Variants in IGSF9B observed in about 807,000 individuals in gnomAD.
IGSF9B encodes the protein protein turtle homolog B.
In IGSF9B, 48 loss-of-function variants were observed where a neutral mutation model predicts 143.7. The observed-to-expected ratio is 0.33, with a 90% confidence interval of 0.26 to 0.42. The LOEUF (loss-of-function observed/expected upper bound fraction) is 0.42, where lower values mean the gene tolerates loss of function less well. IGSF9B is among the 20% of genes least tolerant of loss of function. IGSF9B has a pLI of 1.00. For missense variants in IGSF9B, 1,706 were observed against 1,980.0 expected, an observed-to-expected ratio of 0.86 and a Z score of 2.63; for synonymous variants, 903 against 833.1, an observed-to-expected ratio of 1.08 and a Z score of -1.44.
rs755440130 is a variant in IGSF9B, at chr11:133,903,467, T to A, written c.*5602A>T. On this transcript the variant is annotated 3_prime_UTR_variant, in exon 20 of 20. Coordinates refer to ENST00000533871, the MANE Select transcript of IGSF9B (RefSeq NM_001277285.4). ...TCTACACCGCAGAAGACAACACCCA[T>A]GTGATTTTAATGACTGGCCACTGTT... Among the ~76,000 whole-genome samples the A allele has an allele frequency of 6.6e-6, 1 of 152,134 alleles. No homozygotes were observed. The highest frequency in any genetic ancestry group is 1.5e-5 in the Non-Finnish European group (1 of 68,032).
intron 1 of IGSF9B, 137 bp from the exon 2 acceptor site, chr11:133,946,395 G>A (rs1339176361): frequency 1.3e-5 from 9 of 704,384 alleles, no homozygotes; most frequent in Non-Finnish European, 2.2e-5. Context: ...TCCCAGGAGG[G>A]TCCCAGGCAC....
intron 18 of IGSF9B, among the ~76,000 whole-genome samples, chr11:133,919,264 G>A (rs948992275): frequency 6.6e-6 from 1 of 152,128 alleles, no homozygotes; most frequent in Non-Finnish European, 1.5e-5. Context: ...GGAGGCCCCT[G>A]GCCTGGTGGT....
In IGSF9B at chr11:133,945,474, A is replaced by G. The variant is rs1159200738; in HGVS notation, c.262+587T>C. 2.0e-5 allele frequency among the ~76,000 whole-genome samples: 3 copies of G among 152,230 alleles called. No homozygotes were observed. The highest frequency in any genetic ancestry group is 4.2e-4 in the South Asian group (2 of 4,812). ...CGCTCAATGACACGCACACGCACGC[A>G]CACACACACCCACGCCCTCCTCTCC... On this transcript the variant is annotated intron_variant, in intron 2 of 19. Transcript: ENST00000533871. The surrounding 1 kb of genome is among the most constrained non-coding windows in gnomAD (Gnocchi z 4.6).
In IGSF9B at chr11:133,919,773, C is replaced by G; in HGVS notation, c.3952G>C (p.Glu1318Gln). The G allele has an allele frequency of 1.3e-6, 2 of 1,483,574 alleles. No individual in the cohort carries two copies. The highest frequency in any genetic ancestry group is 1.8e-6 in the Non-Finnish European group (2 of 1,114,294). 91.9% of individuals were successfully genotyped at this position (1,483,574 alleles called of 1,614,324 possible). A position where few individuals can be genotyped will look rare whatever the true frequency, so the allele number is the denominator to read the frequency against. Residue 1318 changes from glutamate to glutamine, a missense_variant, in exon 18 of 20, where the codon GAG (glutamate) becomes CAG (glutamine). By Grantham distance (29) the Glu-to-Gln change is conservative. This residue lies in a region of IGSF9B where 880 missense variants were observed against 762.9 expected (regional missense o/e 1.15). Transcript: ENST00000533871. ...RRTGEELLRPETPPPTLPTSG... is the reference protein window; with the variant it reads ...RRTGEELLRPQTPPPTLPTSG... ...GTAGGTAACGTGGGTGGTGGGGTCT[C>G]CGGTCGGAGCAATTCCTCCCCCGTC...
intron 7 of IGSF9B, among the ~76,000 whole-genome samples, chr11:133,933,784 G>T (rs1375795016): frequency 6.6e-6 from 1 of 152,120 alleles, no homozygotes; most frequent in African/African-American, 2.4e-5. Context: ...CTCTTGCAAT[G>T]CGGGCTGAGT....
chr11:133,933,829 G>A (rs1019034064), intron 7 of IGSF9B, among the ~76,000 whole-genome samples: 1 of 152,114 alleles, frequency 6.6e-6, no homozygotes, highest in African/African-American at 2.4e-5. Flanking sequence ...TTCTCCTGAG[G>A]GCTACGGAGG....
intron 18 of IGSF9B, 168 bp from the exon 19 acceptor site, chr11:133,912,175 G>T: frequency 1.2e-6 from 1 of 835,442 alleles, no homozygotes; most frequent in Non-Finnish European, 1.9e-6. Context: ...TATTGCTCCT[G>T]GAAAGAAGAA....
intron 19 of IGSF9B, among the ~76,000 whole-genome samples, chr11:133,910,247 G>A (rs1316140404): frequency 1.3e-5 from 2 of 152,202 alleles, no homozygotes; most frequent in African/African-American, 2.4e-5. Flanking sequence ...CTGAAAGAGA[G>A]GATGCCGCTA....
rs1003171049 is a variant in IGSF9B, at chr11:133,902,772, T to C, written c.*6297A>G. ...TCATGGGAGGCCATATAAAACCTCA[T>C]TGATAGAGTGGCTGACAACTACCCT... On this transcript the variant is annotated 3_prime_UTR_variant, in exon 20 of 20. Coordinates refer to ENST00000533871, the MANE Select transcript of IGSF9B (RefSeq NM_001277285.4). Among the ~76,000 whole-genome samples the C allele has an allele frequency of 4.6e-5, 7 of 152,136 alleles. No individual in the cohort carries two copies. Among genetic ancestry groups the C allele is most frequent in the Non-Finnish European group, 8.8e-5 (6 of 68,020 alleles).
In IGSF9B at chr11:133,902,027, T is replaced by C. The variant is rs1456239798; in HGVS notation, c.*7042A>G. On this transcript the variant is annotated 3_prime_UTR_variant, in exon 20 of 20. Coordinates refer to ENST00000533871, the MANE Select transcript of IGSF9B (RefSeq NM_001277285.4). ...ACACACACCAGACATACACACACCA[T>C]ACCACACACCACACCCACACACAAT... is the stretch of plus-strand genomic sequence containing the variant. Among the ~76,000 whole-genome samples the C allele has an allele frequency of 3.7e-5, 4 of 107,940 alleles. No homozygotes were observed. Among genetic ancestry groups the C allele is most frequent in the African/African-American group, 1.2e-4 (3 of 24,790 alleles). The allele number at this position is 107,940 out of a possible 152,430, so 70.8% of individuals were successfully genotyped here. A position where few individuals can be genotyped will look rare whatever the true frequency, so the allele number is the denominator to read the frequency against.
At chr11:133,955,953 G>C (rs1377901782) in intron 1 of IGSF9B, among the ~76,000 whole-genome samples, 1 of 152,012 alleles carries the variant, frequency 6.6e-6, no homozygotes, top group Non-Finnish European at 1.5e-5. Flanking sequence ...TGGGGAGGGC[G>C]GCGTGGGGCC....
In IGSF9B at chr11:133,913,352, G is replaced by A. The variant is rs905289145; in HGVS notation, c.3984-1345C>T. Among the ~76,000 whole-genome samples the A allele has an allele frequency of 2.6e-5, 4 of 152,158 alleles. No homozygotes were observed. Among genetic ancestry groups the A allele is most frequent in the African/African-American group, 9.7e-5 (4 of 41,448 alleles). On this transcript the variant is annotated intron_variant, in intron 18 of 19. Transcript: ENST00000533871. The surrounding 1 kb of genome is among the most constrained non-coding windows in gnomAD (Gnocchi z 4.6). ...AAAAAAAAAATGTTAAGAGGGATAG[G>A]AAGCCTGCAGTCTCTTCTCCCCAGC...
intron 7 of IGSF9B, among the ~76,000 whole-genome samples, chr11:133,933,246 C>T (rs538628175): frequency 5.3e-5 from 8 of 152,184 alleles, no homozygotes; most frequent in Non-Finnish European, 7.3e-5. Flanking sequence ...AGACCCCTAG[C>T]GTCAAAGCCA....
chr11:133,955,553 G>A (rs924899582), intron 1 of IGSF9B, among the ~76,000 whole-genome samples: 2 of 152,190 alleles, frequency 1.3e-5, no homozygotes, highest in Admixed American at 6.5e-5. Flanking sequence ...CCTGCCTGCT[G>A]ACTCCCACCC....
chr11:133,929,762 C>G lies in IGSF9B; in HGVS notation c.1540G>C (p.Gly514Arg). 6.2e-7 allele frequency: 1 copy of G among 1,613,662 alleles called. No individual in the cohort carries two copies. Reference sequence around the variant, plus strand: ...ATGGAGACCTGGACCCGGACACTGCCCGGGGCATGGGGGCTGGTGCCTGGA... The same window carrying G: ...ATGGAGACCTGGACCCGGACACTGCGCGGGGCATGGGGGCTGGTGCCTGGA... ...TVIGTSPHAP[G>R]SVRVQVSMTT... Residue 514 changes from glycine to arginine, a missense_variant, in exon 12 of 20, where the codon GGC becomes CGC. Coordinates refer to ENST00000533871, the MANE Select transcript of IGSF9B (RefSeq NM_001277285.4).
Position 133,906,845 on chromosome 11 carries a change from A to G in IGSF9B, c.*2224T>C, listed in dbSNP as rs1939217628. On this transcript the variant is annotated 3_prime_UTR_variant, in exon 20 of 20. Transcript: ENST00000533871. The stretch of plus-strand genomic sequence containing the variant: ...TAGAAATCTCACACTGCCAGTGCAT[A>G]AAGGCTGCACGTCAGCTTGCGGTAA... 6.6e-6 allele frequency among the ~76,000 whole-genome samples: 1 copy of G among 152,104 alleles called. No homozygotes were observed. Among genetic ancestry groups the G allele is most frequent in the African/African-American group, 2.4e-5 (1 of 41,424 alleles).
At chr11:133,912,082 C>G in intron 18 of IGSF9B, 75 bp from the exon 19 acceptor site, 1 of 1,459,486 alleles carries the variant, frequency 6.9e-7, no homozygotes, top group Non-Finnish European at 9.0e-7. Context: ...TGGAAGAAAG[C>G]CAAGTAGCTG....
chr11:133,897,047 A>T lies in IGSF9B; in HGVS notation c.*12022T>A, dbSNP rs1939030576. 6.6e-6 allele frequency: 1 copy of T among 151,984 alleles called. No homozygotes were observed. Among genetic ancestry groups the T allele is most frequent in the African/African-American group, 2.4e-5 (1 of 41,358 alleles). The allele number at this position is 151,984 out of a possible 1,614,324, so 9.4% of individuals were successfully genotyped here. A position where few individuals can be genotyped will look rare whatever the true frequency, so the allele number is the denominator to read the frequency against. ...GGTTCGGGAGGAGACAGTTCCTCCT[A>T]CTCTTGGAAGTCTGTGATTTGGTGG... On this transcript the variant is annotated 3_prime_UTR_variant, in exon 20 of 20. Transcript: ENST00000533871.
In IGSF9B at chr11:133,919,912, G is replaced by C. The variant is rs764743314; in HGVS notation, c.3813C>G (p.Pro1271=). The change falls in exon 18 of 20, where the codon CCC becomes CCG. Residue 1271 remains proline, a synonymous_variant. Transcript: ENST00000533871. The part of the protein sequence containing the change: ...SSRSGSPSYR[P]AMGFTTLATG... ...TGGCCAGAGTGGTGAAGCCCATGGC[G>C]GGCCGGTAGCTGGGACTCCCACTGC... The C allele has an allele frequency of 3.3e-5, 51 of 1,568,566 alleles. No individual in the cohort carries two copies. Among genetic ancestry groups the C allele is most frequent in the Non-Finnish European group, 4.1e-5 (47 of 1,156,098 alleles).
Sources: allele counts gnomAD v4.1 joint callset (sites outside exome capture counted in the v4.1 genomes callset), GRCh38; gene constraint gnomAD v4.1.1; regional missense constraint gnomAD v4.1.1; non-coding constraint Gnocchi (gnomAD v3.1); transcripts MANE v1.5; gene names NCBI Gene and HGNC (gene_info 2026-07-23, HGNC 2026-07-21).